FUT9: variants seen among roughly 807,000 people sequenced by gnomAD.
FUT9 encodes the protein fucosyltransferase 9, also known as 4-galactosyl-N-acetylglucosaminide 3-alpha-L-fucosyltransferase 9.
A neutral mutation model predicts 29.7 loss-of-function variants in FUT9; 15 were observed. The ratio of observed to expected loss-of-function variants is 0.51; its 90% CI spans 0.34 to 0.78. The LOEUF is 0.78. FUT9 is among the 30% of genes least tolerant of loss of function. The probability of loss-of-function intolerance (pLI) is 0.01; values close to 1 mark genes in which losing one functional copy is unlikely to be tolerated. For synonymous variants in FUT9, 169 were observed against 153.7 expected (o/e 1.10, Z -0.74); for missense variants, 319 against 425.4 (o/e 0.75, Z 2.20).
intron 2 of FUT9, among the ~76,000 whole-genome samples, chr6:96,176,022 C>T (rs1773196421): frequency 6.6e-6 from 1 of 152,252 alleles, no homozygotes; most frequent in Non-Finnish European, 1.5e-5. Flanking sequence ...TCTCTCCCTT[C>T]TGGAGCTGAG....
At chr6:96,020,482 C>G (rs1399713401) in intron 1 of FUT9, among the ~76,000 whole-genome samples, 1 of 152,050 alleles carries the variant, frequency 6.6e-6, no homozygotes, top group Non-Finnish European at 1.5e-5. Context: ...ATTTGTTTCA[C>G]AAAGTTTCAA....
chr6:96,092,416 T>C (rs1281288328), intron 1 of FUT9, among the ~76,000 whole-genome samples: 1 of 152,160 alleles, frequency 6.6e-6, no homozygotes, highest in Non-Finnish European at 1.5e-5. Context: ...GTTGAGAGTA[T>C]ATTCCCTAAA....
intron 1 of FUT9, among the ~76,000 whole-genome samples, chr6:96,091,381 A>G (rs1045121814): frequency 9.2e-5 from 14 of 152,210 alleles, no homozygotes; most frequent in African/African-American, 3.4e-4. Context: ...ATTCATTGGG[A>G]CCCTTCTGTA....
intron 1 of FUT9, among the ~76,000 whole-genome samples, chr6:96,104,291 T>C (rs768581928): frequency 1.3e-5 from 2 of 152,226 alleles, no homozygotes; most frequent in African/African-American, 4.8e-5. Flanking sequence ...AGGTTGTGTA[T>C]GTTATTTCCT....
intron 1 of FUT9, among the ~76,000 whole-genome samples, chr6:96,102,080 C>T (rs1263614798): frequency 6.6e-6 from 1 of 151,976 alleles, no homozygotes; most frequent in Non-Finnish European, 1.5e-5. Flanking sequence ...CACAATAAAA[C>T]TTTCCTGATT....
chr6:96,079,067 A>G (rs962099706), intron 1 of FUT9, among the ~76,000 whole-genome samples: 13 of 152,170 alleles, frequency 8.5e-5, no homozygotes, highest in Admixed American at 5.2e-4. Flanking sequence ...TCTGATCTGC[A>G]CTTTATTTCT....
chr6:96,099,983 T>C (rs894196629), intron 1 of FUT9, among the ~76,000 whole-genome samples: 1 of 152,188 alleles, frequency 6.6e-6, no homozygotes, highest in South Asian at 2.1e-4. Flanking sequence ...TATTTATTAG[T>C]TCATTTTGCA....
chr6:96,038,724 GC>G (rs1371496324), intron 1 of FUT9, among the ~76,000 whole-genome samples: 5 of 152,078 alleles, frequency 3.3e-5, no homozygotes, highest in Non-Finnish European at 5.9e-5. Flanking sequence ...TGTTTGAATA[GC>G]TTTAAATGGC....
At chr6:96,198,782 G>A (rs1341261585) in intron 2 of FUT9, among the ~76,000 whole-genome samples, 1 of 152,118 alleles carries the variant, frequency 6.6e-6, no homozygotes, top group Non-Finnish European at 1.5e-5. Flanking sequence ...AGCACCTGTT[G>A]TTTCCTGACT....
chr6:96,161,166 A>G (rs1772893390), intron 2 of FUT9, among the ~76,000 whole-genome samples: 1 of 152,180 alleles, frequency 6.6e-6, no homozygotes, highest in Non-Finnish European at 1.5e-5. Context: ...CCAAATTTAT[A>G]TGTCAAAACT....
intron 1 of FUT9, among the ~76,000 whole-genome samples, chr6:96,033,280 T>C (rs1016531104): frequency 6.6e-6 from 1 of 151,640 alleles, no homozygotes; most frequent in African/African-American, 2.4e-5. Context: ...TAAAGAGTAA[T>C]TGTAATACTT....
chr6:96,182,510 G>T (rs930795264), intron 2 of FUT9, among the ~76,000 whole-genome samples: 2 of 151,952 alleles, frequency 1.3e-5, no homozygotes, highest in Non-Finnish European at 2.9e-5. Flanking sequence ...CCAATGTCTA[G>T]AGGTCTTTTC....
At chr6:96,096,737 C>G (rs1184262106) in intron 1 of FUT9, among the ~76,000 whole-genome samples, 1 of 134,600 alleles carries the variant, frequency 7.4e-6, no homozygotes, top group Non-Finnish European at 1.6e-5. Context: ...ACTTAAAATT[C>G]ACCTTCCCAA....
intron 1 of FUT9, among the ~76,000 whole-genome samples, chr6:96,060,371 T>C (rs1040372240): frequency 6.6e-6 from 1 of 152,232 alleles, no homozygotes; most frequent in African/African-American, 2.4e-5. Context: ...GCATAAAACA[T>C]TTATAACCAT....
chr6:96,057,467 T>C (rs904881476), intron 1 of FUT9, among the ~76,000 whole-genome samples: 1 of 152,162 alleles, frequency 6.6e-6, no homozygotes, highest in Admixed American at 6.5e-5. Flanking sequence ...GAAAGAAATA[T>C]AGAAACTGAA....
At chr6:96,135,241 T>C (rs1420023727) in intron 2 of FUT9, among the ~76,000 whole-genome samples, 4 of 151,982 alleles carry the variant, frequency 2.6e-5, no homozygotes, top group Non-Finnish European at 5.9e-5. Context: ...ATATGTACAG[T>C]ACATACTTAT....
At chr6:96,025,002 G>C (rs1770139115) in intron 1 of FUT9, among the ~76,000 whole-genome samples, 1 of 151,794 alleles carries the variant, frequency 6.6e-6, no homozygotes, top group Admixed American at 6.6e-5. Flanking sequence ...ACGAAGGCGA[G>C]ATTTAGCTGT....
At chr6:96,181,178 A>G (rs1773299886) in intron 2 of FUT9, among the ~76,000 whole-genome samples, 1 of 152,092 alleles carries the variant, frequency 6.6e-6, no homozygotes, top group South Asian at 2.1e-4. Context: ...TTAAGTTAAT[A>G]TAAAAATCAC....
chr6:96,058,244 A>C (rs1170991875), intron 1 of FUT9, among the ~76,000 whole-genome samples: 2 of 152,120 alleles, frequency 1.3e-5, no homozygotes, highest in African/African-American at 2.4e-5. Flanking sequence ...TAGTTGCTTT[A>C]GACAAGCATT....
Sources: gnomAD v4.1 joint callset for allele counts (sites outside exome capture counted in the v4.1 genomes callset) on GRCh38, gnomAD v4.1.1 for gene constraint, MANE v1.5 for transcripts, NCBI Gene and HGNC (gene_info 2026-07-23, HGNC 2026-07-21) for gene names.